CELF1: variants seen among roughly 807,000 people sequenced by gnomAD.
The protein encoded by CELF1 is 50 kDa nuclear polyadenylated RNA-binding protein.
A neutral mutation model predicts 61.8 loss-of-function variants in CELF1; 10 were observed. That is an observed-to-expected ratio of 0.16 (90% CI 0.10 to 0.27). The LOEUF is 0.27. Among genes scored for constraint, CELF1 ranks in the 10% least tolerant of loss-of-function variants. The pLI is 1.00. For synonymous variants in CELF1, 236 were observed against 225.1 expected (o/e 1.05, Z -0.43); for missense variants, 380 against 639.1 (o/e 0.59, Z 4.37).
chr11:47,467,763 G>C lies in CELF1; in HGVS notation c.*4467C>G, dbSNP rs1479649308. On this transcript the variant is annotated 3_prime_UTR_variant, in exon 15 of 15. Transcript: ENST00000687097. Reference sequence around the variant, plus strand: ...AAGCAGCCAGCCTCCCGGAAGCCCCGGTAAGACCTGGAGGCCACACGAAGT... The same window carrying C: ...AAGCAGCCAGCCTCCCGGAAGCCCCCGTAAGACCTGGAGGCCACACGAAGT... 6.6e-6 allele frequency: 1 copy of C among 152,162 alleles called. No homozygotes were observed. The highest frequency in any genetic ancestry group is 6.5e-5 in the Admixed American group (1 of 15,270). The allele number at this position is 152,162 out of a possible 1,614,324, so 9.4% of individuals were successfully genotyped here. A position where few individuals can be genotyped will look rare whatever the true frequency, so the allele number is the denominator to read the frequency against.
chr11:47,527,130 T>C (rs564393543), intron 1 of CELF1, among the ~76,000 whole-genome samples: 6 of 151,248 alleles, frequency 4.0e-5, no homozygotes, highest in African/African-American at 1.2e-4. Context: ...ATTCCAGCAG[T>C]AGAGGCACAT....
In CELF1 at chr11:47,488,397, A is replaced by C. The variant is rs11039261; in HGVS notation, c.259+440T>G. The stretch of plus-strand genomic sequence containing the variant: ...GCCTCTGTAATACTAACAAGAAACC[A>C]ATGGGTATGTGGACAGTCTTTCTCC... On this transcript the variant is annotated intron_variant, in intron 4 of 14. Coordinates refer to ENST00000687097, the MANE Select transcript of CELF1 (RefSeq NM_001376376.1). 3.9e-5 allele frequency among the ~76,000 whole-genome samples: 6 copies of C among 152,306 alleles called. 1 individual carries two copies. Among genetic ancestry groups the C allele is most frequent in the African/African-American group, 1.4e-4 (6 of 41,554 alleles).
intron 1 of CELF1, among the ~76,000 whole-genome samples, chr11:47,529,496 G>T (rs1192112365): frequency 1.3e-5 from 2 of 152,234 alleles, no homozygotes; most frequent in African/African-American, 4.8e-5. Context: ...AGAGCAGCCT[G>T]GCCAACATGG....
At chr11:47,547,849 T>G (rs78867744) in intron 1 of CELF1, among the ~76,000 whole-genome samples, 2 of 151,890 alleles carry the variant, frequency 1.3e-5, no homozygotes, top group Non-Finnish European at 2.9e-5. Context: ...AAAGATAGAT[T>G]AGAGGCTACC....
At chr11:47,554,730 C>T (rs1400141934), upstream of CELF1, among the ~76,000 whole-genome samples, 3 of 150,872 alleles carry the variant, frequency 2.0e-5, no homozygotes, top group South Asian at 2.1e-4. Context: ...GGCGCGATCT[C>T]GGCTCACTGC....
intron 9 of CELF1, among the ~76,000 whole-genome samples, chr11:47,481,081 GTTTT>G (rs1198765451): frequency 1.1e-5 from 1 of 92,854 alleles, no homozygotes; most frequent in African/African-American, 3.5e-5. Flanking sequence ...ATAAACTGGG[GTTTT>G]TTTTTTTTTT....
intron 1 of CELF1, among the ~76,000 whole-genome samples, chr11:47,502,888 C>T (rs942062802): frequency 6.6e-6 from 1 of 151,948 alleles, no homozygotes; most frequent in African/African-American, 2.4e-5. Flanking sequence ...ATTAGAAATA[C>T]AGAGGTGACA....
chr11:47,503,028 G>A (rs564758748), intron 1 of CELF1, among the ~76,000 whole-genome samples: 58 of 151,664 alleles, frequency 3.8e-4, no homozygotes, highest in African/African-American at 1.1e-3. Flanking sequence ...TTGTCCGTCT[G>A]TCTCAGTATT....
At chr11:47,503,692 A>G (rs1378067158) in intron 1 of CELF1, among the ~76,000 whole-genome samples, 1 of 152,218 alleles carries the variant, frequency 6.6e-6, no homozygotes, top group Non-Finnish European at 1.5e-5. Flanking sequence ...ATTTTTGCAC[A>G]GTACCTTTTT....
At chr11:47,545,372 A>G (rs1437569493) in intron 1 of CELF1, among the ~76,000 whole-genome samples, 1 of 152,180 alleles carries the variant, frequency 6.6e-6, no homozygotes, top group African/African-American at 2.4e-5. Flanking sequence ...CAGAGGTTGC[A>G]GTGAGCCGAG....
intron 9 of CELF1, chr11:47,482,399 T>C: frequency 4.5e-6 from 1 of 220,936 alleles, no homozygotes; most frequent in Non-Finnish European, 8.8e-6. Context: ...AGGAATTTCT[T>C]TCTTGGAGGC....
intron 6 of CELF1, among the ~76,000 whole-genome samples, chr11:47,485,244 G>A (rs1438693703): frequency 6.6e-6 from 1 of 152,122 alleles, no homozygotes; most frequent in African/African-American, 2.4e-5. Context: ...GCGGTGGCAT[G>A]ATCATGGCTC....
intron 14 of CELF1, 30 bp from the exon 15 acceptor site, chr11:47,472,387 G>A (rs763577501): frequency 1.8e-5 from 29 of 1,607,684 alleles, no homozygotes; most frequent in African/African-American, 5.3e-5. Context: ...CCTAGGTGAG[G>A]GACATAATGA....
chr11:47,530,110 G>A (rs912065702), intron 1 of CELF1, among the ~76,000 whole-genome samples: 1 of 152,152 alleles, frequency 6.6e-6, no homozygotes, highest in Non-Finnish European at 1.5e-5. Context: ...TGTATATAAA[G>A]TGCATATTTA....
intron 3 of CELF1, among the ~76,000 whole-genome samples, chr11:47,491,133 G>C (rs2091253300): frequency 6.6e-6 from 1 of 151,568 alleles, no homozygotes; most frequent in African/African-American, 2.4e-5. Flanking sequence ...AAAGTGCTGG[G>C]ATTACAGGGA....
chr11:47,476,830 AG>A lies in CELF1; in HGVS notation c.1087+15del. ...CACAAAGAATAGTCTGATGACAGCC[AG>A]GTGCTGCCCCTTACCTGCCAAAGAG... On this transcript the variant is annotated intron_variant, in intron 12 of 14. Transcript: ENST00000687097. 5.0e-6 allele frequency: 8 copies of A among 1,584,932 alleles called. No individual in the cohort carries two copies. The highest frequency in any genetic ancestry group is 6.9e-6 in the Non-Finnish European group (8 of 1,153,452).
chr11:47,472,995 C>G, intron 14 of CELF1, 93 bp downstream of exon 14: 1 of 1,425,940 alleles, frequency 7.0e-7, no homozygotes, highest in Admixed American at 2.3e-5. Context: ...AACAACACCA[C>G]AAACTCATAT....
chr11:47,482,751 C>T lies in CELF1; in HGVS notation c.712G>A (p.Ala238Thr). Residue 238 changes from alanine to threonine, a missense_variant, in exon 9 of 15, where the codon GCA becomes ACA. Physicochemically the swap from Ala to Thr is moderately conservative, Grantham distance 58. Coordinates refer to ENST00000687097, the MANE Select transcript of CELF1 (RefSeq NM_001376376.1). ...LQQQMQQISA[A>T]SVWGNLAGLN... ...CCAGCAAGGTTTCCCCACACAGATG[C>T]TGCGCTGATTTGCTGCATCTGCTGC... 1 of 1,614,142 alleles carries T rather than the reference C, an allele frequency of 6.2e-7. No homozygotes were observed.
chr11:47,552,121 G>A (rs956279121), intron 1 of CELF1, among the ~76,000 whole-genome samples: 5 of 151,914 alleles, frequency 3.3e-5, no homozygotes, highest in Non-Finnish European at 7.4e-5. Flanking sequence ...CTGTTATACA[G>A]CCTTTTTACT....
Sources: gnomAD v4.1 joint callset for allele counts (sites outside exome capture counted in the v4.1 genomes callset) on GRCh38, gnomAD v4.1.1 for gene constraint, MANE v1.5 for transcripts, NCBI Gene and HGNC (gene_info 2026-07-23, HGNC 2026-07-21) for gene names.